Variants in GRIA2 observed in about 807,000 individuals in gnomAD.
The protein encoded by GRIA2 is glutamate receptor 2.
A neutral mutation model predicts 97.3 loss-of-function variants in GRIA2; 14 were observed. The observed-to-expected ratio is 0.14, with a 90% CI of 0.10 to 0.23. GRIA2 has a LOEUF of 0.23. Among genes scored for constraint, GRIA2 ranks in the 10% least tolerant of loss-of-function variants. The probability of loss-of-function intolerance (pLI) is 1.00; values close to 1 mark genes in which losing one functional copy is unlikely to be tolerated. For missense variants in GRIA2, 558 were observed against 1,069.8 expected (o/e 0.52, Z 6.67); for synonymous variants, 412 against 387.8 (o/e 1.06, Z -0.73).
chr4:157,253,522 C>T (rs1171185510), intron 2 of GRIA2, among the ~76,000 whole-genome samples: 1 of 152,034 alleles, frequency 6.6e-6, no homozygotes, highest in African/African-American at 2.4e-5. Flanking sequence ...TAAGTATATT[C>T]TTCTGAAACT....
chr4:157,271,794 G>A (rs1227921030), intron 2 of GRIA2, among the ~76,000 whole-genome samples: 1 of 152,078 alleles, frequency 6.6e-6, no homozygotes. Context: ...ACCTTGGGTT[G>A]CCAGCTATCT....
intron 9 of GRIA2, 23 bp downstream of exon 9, chr4:157,334,143 T>A: frequency 1.8e-6 from 2 of 1,124,442 alleles, no homozygotes; most frequent in Non-Finnish European, 2.7e-6. Flanking sequence ...ATATGCCATG[T>A]TTTACTTTGT....
chr4:157,246,952 T>C (rs1397287093), intron 2 of GRIA2, among the ~76,000 whole-genome samples: 1 of 152,204 alleles, frequency 6.6e-6, no homozygotes, highest in Non-Finnish European at 1.5e-5. Flanking sequence ...AAATGAAGGC[T>C]ATTTCCTTTT....
intron 6 of GRIA2, 67 bp downstream of exon 6, chr4:157,321,666 A>G (rs1161433491): frequency 9.5e-7 from 1 of 1,054,104 alleles, no homozygotes; most frequent in Non-Finnish European, 1.4e-6. Flanking sequence ...CTTGGCAAAT[A>G]AGGAGGAAGG....
chr4:157,282,102 G>C (rs1732633205), intron 2 of GRIA2, among the ~76,000 whole-genome samples: 2 of 152,048 alleles, frequency 1.3e-5, no homozygotes, highest in Admixed American at 6.6e-5. Context: ...GTTTTCTACT[G>C]CCATTTTGGC....
At chr4:157,282,298 A>T (rs1732641963) in intron 2 of GRIA2, among the ~76,000 whole-genome samples, 1 of 152,102 alleles carries the variant, frequency 6.6e-6, no homozygotes, top group Non-Finnish European at 1.5e-5. Context: ...GGGAGGTGTG[A>T]TTTATTACGG....
Position 157,322,229 on chromosome 4 carries a change from A to AAG in GRIA2, c.882+643_882+644dup, listed in dbSNP as rs772861473. 1.5e-3 allele frequency among the ~76,000 whole-genome samples: 169 copies of AAG among 109,300 alleles called. 1 individual carries two copies. The highest frequency in any genetic ancestry group is 5.0e-3 in the African/African-American group (157 of 31,144). 71.7% of individuals were successfully genotyped at this position (109,300 alleles called of 152,430 possible). A position where few individuals can be genotyped will look rare whatever the true frequency, so the allele number is the denominator to read the frequency against. On this transcript the variant is annotated intron_variant, in intron 6 of 15. Coordinates refer to ENST00000264426, the MANE Select transcript of GRIA2 (RefSeq NM_001083619.3). ...AGAGAGAGAAAGAGAGAGAGTGAGAAAGAGAGAGAGAGAGTGTGTGTGTGT... is the reference window on the plus strand; with the variant it reads ...AGAGAGAGAAAGAGAGAGAGTGAGAAAGAGAGAGAGAGAGAGTGTGTGTGTGT...
At chr4:157,323,329 T>G (rs1734663801) in intron 6 of GRIA2, among the ~76,000 whole-genome samples, 1 of 81,064 alleles carries the variant, frequency 1.2e-5, no homozygotes, top group African/African-American at 5.2e-5. Context: ...AGAGCGAGAC[T>G]CTGTCTCAAA....
intron 2 of GRIA2, among the ~76,000 whole-genome samples, chr4:157,289,242 G>A (rs1309126991): frequency 6.6e-6 from 1 of 151,832 alleles, no homozygotes; most frequent in African/African-American, 2.4e-5. Flanking sequence ...CCAGAATAAT[G>A]TGGACATAAA....
At chr4:157,336,218 T>C (rs774568679) in intron 10 of GRIA2, among the ~76,000 whole-genome samples, 159 bp from the exon 11 acceptor site, 3 of 152,076 alleles carry the variant, frequency 2.0e-5, no homozygotes, top group Admixed American at 6.6e-5. Context: ...ATTCGGGGAA[T>C]AATTCCTTTT....
intron 6 of GRIA2, among the ~76,000 whole-genome samples, chr4:157,322,995 T>A (rs1247453276): frequency 6.6e-6 from 1 of 152,134 alleles, no homozygotes; most frequent in Admixed American, 6.5e-5. Context: ...CCAAGTAACT[T>A]TTTTTCAAAA....
At chr4:157,332,629 C>T (rs1425849922) in intron 6 of GRIA2, among the ~76,000 whole-genome samples, 190 bp from the exon 7 acceptor site, 1 of 151,908 alleles carries the variant, frequency 6.6e-6, no homozygotes, top group Non-Finnish European at 1.5e-5. Context: ...GAGTCAGGAG[C>T]ACATTTCATA....
chr4:157,360,681 C>T (rs776190350), intron 13 of GRIA2: 1 of 486,488 alleles, frequency 2.1e-6, no homozygotes, highest in South Asian at 1.6e-5. Flanking sequence ...TCTTTGTATT[C>T]CTATTTTGTC....
intron 6 of GRIA2, among the ~76,000 whole-genome samples, chr4:157,329,244 A>G (rs964125276): frequency 1.3e-5 from 2 of 151,966 alleles, no homozygotes; most frequent in Non-Finnish European, 1.5e-5. Context: ...TAGAAATCAT[A>G]ATTTTTGACC....
intron 2 of GRIA2, among the ~76,000 whole-genome samples, chr4:157,290,786 A>T (rs1733062828): frequency 6.6e-6 from 1 of 151,662 alleles, no homozygotes; most frequent in African/African-American, 2.4e-5. Context: ...TTTTTTTATG[A>T]TATCATCTCT....
At chr4:157,239,797 G>A (rs1437164020) in intron 2 of GRIA2, among the ~76,000 whole-genome samples, 1 of 151,844 alleles carries the variant, frequency 6.6e-6, no homozygotes, top group African/African-American at 2.4e-5. Context: ...GCAGAGCCAA[G>A]TACCATGCTA....
chr4:157,336,258 G>A, intron 10 of GRIA2, 119 bp from the exon 11 acceptor site: 1 of 858,144 alleles, frequency 1.2e-6, no homozygotes, highest in Admixed American at 2.4e-5. Flanking sequence ...CTATACCAAG[G>A]AAAAAATTAT....
intron 2 of GRIA2, among the ~76,000 whole-genome samples, chr4:157,271,019 T>A (rs1731998800): frequency 6.6e-6 from 1 of 151,686 alleles, no homozygotes; most frequent in African/African-American, 2.4e-5. Context: ...GAAAAGGAAA[T>A]ATTTGATTCA....
At chr4:157,255,020 C>A (rs996355754) in intron 2 of GRIA2, among the ~76,000 whole-genome samples, 9 of 151,990 alleles carry the variant, frequency 5.9e-5, no homozygotes. Flanking sequence ...TTTAGTGTAA[C>A]CATCACCTGA....
Sources: allele counts gnomAD v4.1 joint callset (sites outside exome capture counted in the v4.1 genomes callset), GRCh38; gene constraint gnomAD v4.1.1; transcripts MANE v1.5; gene names NCBI Gene and HGNC (gene_info 2026-07-23, HGNC 2026-07-21).